The following SPAG16 variants were observed in gnomAD, a reference collection of about 807,000 sequenced individuals.
SPAG16 encodes sperm-associated antigen 16 protein.
In SPAG16, 86 loss-of-function variants were observed where a neutral mutation model predicts 80.4. The ratio of observed to expected loss-of-function variants is 1.07; its 90% confidence interval spans 0.90 to 1.28. The LOEUF (loss-of-function observed/expected upper bound fraction) is 1.28, where lower values mean the gene tolerates loss of function less well. Ranked by LOEUF, SPAG16 falls within the 50% of genes most tolerant of loss-of-function variation. The pLI is 0.00. For synonymous variants in SPAG16, 294 were observed against 265.9 expected, an observed-to-expected ratio of 1.11 and a Z score of -1.03; for missense variants, 870 against 765.3, an observed-to-expected ratio of 1.14 and a Z score of -1.61.
At chr2:213,523,089 T>C (rs1465579955) in intron 10 of SPAG16, among the ~76,000 whole-genome samples, 2 of 152,102 alleles carry the variant, frequency 1.3e-5, no homozygotes, top group African/African-American at 4.8e-5. Flanking sequence ...TCATCTTGAA[T>C]TGTAGTTCCC....
At chr2:213,442,679 A>G (rs936802662) in intron 9 of SPAG16, among the ~76,000 whole-genome samples, 2 of 152,178 alleles carry the variant, frequency 1.3e-5, no homozygotes, top group African/African-American at 4.8e-5. Flanking sequence ...AAAAGATAGT[A>G]TTTTCAAGAA....
intron 9 of SPAG16, among the ~76,000 whole-genome samples, chr2:213,381,063 G>T (rs2067146921): frequency 9.1e-6 from 1 of 110,386 alleles, no homozygotes; most frequent in African/African-American, 3.1e-5. Context: ...GAAGGAATGG[G>T]TCCATAAATC....
chr2:214,339,808 C>T (rs896569539), intron 15 of SPAG16, among the ~76,000 whole-genome samples: 2 of 152,048 alleles, frequency 1.3e-5, no homozygotes, highest in South Asian at 2.1e-4. Flanking sequence ...TCTCTTGATT[C>T]GGTTATGTTA....
At chr2:213,397,367 C>G (rs566884852) in intron 9 of SPAG16, among the ~76,000 whole-genome samples, 10 of 152,084 alleles carry the variant, frequency 6.6e-5, no homozygotes, top group Non-Finnish European at 1.5e-4. Flanking sequence ...GATAAGTGTC[C>G]CCTTTGCTTC....
At chr2:213,463,038 G>A (rs940589529) in intron 9 of SPAG16, among the ~76,000 whole-genome samples, 1 of 152,192 alleles carries the variant, frequency 6.6e-6, no homozygotes, top group Non-Finnish European at 1.5e-5. Context: ...TAGTAATGAA[G>A]TCCAGGCTGA....
chr2:213,504,597 G>C (rs757867533), intron 10 of SPAG16, among the ~76,000 whole-genome samples: 1 of 152,104 alleles, frequency 6.6e-6, no homozygotes, highest in Admixed American at 6.6e-5. Flanking sequence ...AAAGATAAAA[G>C]AAGTAAGGAT....
At chr2:214,353,547 CA>C (rs1383221174) in intron 15 of SPAG16, among the ~76,000 whole-genome samples, 2 of 152,082 alleles carry the variant, frequency 1.3e-5, no homozygotes, top group Non-Finnish European at 2.9e-5. Flanking sequence ...GGGAGTTTAA[CA>C]GATCACATAC....
intron 9 of SPAG16, among the ~76,000 whole-genome samples, chr2:213,402,772 C>A (rs1458659613): frequency 6.6e-6 from 1 of 152,168 alleles, no homozygotes; most frequent in Non-Finnish European, 1.5e-5. Flanking sequence ...TTTTTTATGG[C>A]TGCATAGTAT....
At chr2:213,957,674 C>G (rs2044219012) in intron 12 of SPAG16, among the ~76,000 whole-genome samples, 1 of 151,948 alleles carries the variant, frequency 6.6e-6, no homozygotes, top group African/African-American at 2.4e-5. Context: ...TTCTTTATTT[C>G]CAGCATTACT....
chr2:213,515,309 C>A (rs1362357468), intron 10 of SPAG16, among the ~76,000 whole-genome samples: 1 of 152,116 alleles, frequency 6.6e-6, no homozygotes, highest in Non-Finnish European at 1.5e-5. Flanking sequence ...AACAAGAAAG[C>A]CCATTATTTA....
intron 10 of SPAG16, among the ~76,000 whole-genome samples, chr2:213,650,325 C>T (rs1445126849): frequency 1.3e-5 from 2 of 152,208 alleles, no homozygotes; most frequent in Admixed American, 6.5e-5. Flanking sequence ...CAAAGCCATA[C>T]TCCTGCCTCA....
chr2:213,433,497 T>G (rs1220697333), intron 9 of SPAG16, among the ~76,000 whole-genome samples: 1 of 152,206 alleles, frequency 6.6e-6, no homozygotes, highest in Non-Finnish European at 1.5e-5. Context: ...TAATCTCATT[T>G]ACAATAGCTA....
intron 7 of SPAG16, among the ~76,000 whole-genome samples, chr2:213,356,491 C>A (rs1001451415): frequency 1.3e-5 from 2 of 152,088 alleles, no homozygotes; most frequent in African/African-American, 4.8e-5. Context: ...AGTGTGTGTC[C>A]AGGAATTTAT....
At chr2:213,758,936 A>G (rs1180162119) in intron 10 of SPAG16, among the ~76,000 whole-genome samples, 2 of 152,242 alleles carry the variant, frequency 1.3e-5, no homozygotes, top group Non-Finnish European at 2.9e-5. Context: ...TATATTACTT[A>G]TAAGGAATAA....
intron 15 of SPAG16, among the ~76,000 whole-genome samples, chr2:214,246,361 T>A (rs1689848480): frequency 6.6e-6 from 1 of 152,162 alleles, no homozygotes; most frequent in African/African-American, 2.4e-5. Context: ...TTCCTCTCAT[T>A]GAGAGGTGAA....
chr2:213,967,763 G>GTATA (rs1559639411), intron 12 of SPAG16, among the ~76,000 whole-genome samples: 1 of 152,156 alleles, frequency 6.6e-6, no homozygotes, highest in Non-Finnish European at 1.5e-5. Context: ...CAATGTAGGA[G>GTATA]TATAGTAGTT....
intron 10 of SPAG16, among the ~76,000 whole-genome samples, chr2:213,727,267 A>G (rs7597489): frequency 0.93 from 141,397 of 152,172 alleles, 66,602 homozygotes; most frequent in East Asian, 1. Flanking sequence ...GAAATATACA[A>G]TGCAAAAGAA....
At chr2:213,422,091 T>C (rs1312962058) in intron 9 of SPAG16, 2 of 654,344 alleles carry the variant, frequency 3.1e-6, no homozygotes, top group South Asian at 3.2e-5. Context: ...CTAAAAGAGC[T>C]GTAACCCAAA....
chr2:213,590,090 CA>C, intron 10 of SPAG16, among the ~76,000 whole-genome samples: 1 of 151,904 alleles, frequency 6.6e-6, no homozygotes. Context: ...ACTTGGCAGT[CA>C]AAAAATATAT....
Sources: gnomAD v4.1 joint callset for allele counts (sites outside exome capture counted in the v4.1 genomes callset) on GRCh38, gnomAD v4.1.1 for gene constraint, MANE v1.5 for transcripts, NCBI Gene and HGNC (gene_info 2026-07-23, HGNC 2026-07-21) for gene names.